The following PHF21A variants were observed in gnomAD, a reference collection of about 807,000 sequenced individuals.
PHF21A encodes the protein BHC80a.
PHF21A carries 11 observed loss-of-function variants against 82.5 expected under a neutral mutation model. That is an observed-to-expected ratio of 0.13 (90% CI 0.08 to 0.22). The LOEUF is 0.22. PHF21A is among the 10% of genes least tolerant of loss of function. The pLI is 1.00. For synonymous variants in PHF21A, 297 were observed against 302.8 expected (o/e 0.98, Z 0.20); for missense variants, 579 against 837.8 (o/e 0.69, Z 3.81).
chr11:46,024,834 CT>C (rs1288421479), intron 6 of PHF21A, among the ~76,000 whole-genome samples: 4 of 152,088 alleles, frequency 2.6e-5, no homozygotes, highest in African/African-American at 7.2e-5. Context: ...GACTTAGGGA[CT>C]TCTTTAAGAA....
intron 3 of PHF21A, among the ~76,000 whole-genome samples, chr11:46,089,566 C>T (rs973107236): frequency 2.0e-5 from 3 of 151,994 alleles, no homozygotes; most frequent in African/African-American, 7.3e-5. Context: ...AAGAGCTTGG[C>T]AACCCTGATT....
At chr11:45,934,928 C>T (rs1309739369) in intron 18 of PHF21A, 1 of 398,740 alleles carries the variant, frequency 2.5e-6, no homozygotes, top group Non-Finnish European at 5.0e-6. Context: ...AGCAGGTAAG[C>T]AGGACAGTTC....
At chr11:46,010,432 G>T (rs2095388242) in intron 6 of PHF21A, among the ~76,000 whole-genome samples, 1 of 152,172 alleles carries the variant, frequency 6.6e-6, no homozygotes. Flanking sequence ...TTAGTAATTT[G>T]TCTAAAATTA....
In PHF21A at chr11:46,001,493, T is replaced by A. The variant is rs138575818; in HGVS notation, c.154-21527A>T. Among the ~76,000 whole-genome samples, 3 of 152,058 alleles carry A rather than the reference T, an allele frequency of 2.0e-5. No homozygotes were observed. The South Asian group carries it at 6.2e-4, about 32-fold the overall frequency. ...CTAACAATAGAAGCTCCAGTTGGTG[T>A]CTCCGTCACATGCACCACAGCATCA... On this transcript the variant is annotated intron_variant, in intron 6 of 18. Transcript: ENST00000676320.
chr11:45,965,418 G>A lies in PHF21A; in HGVS notation c.893C>T (p.Thr298Met). 1.2e-6 allele frequency: 2 copies of A among 1,614,110 alleles called. No homozygotes were observed. Among genetic ancestry groups the A allele is most frequent in the Non-Finnish European group, 1.7e-6 (2 of 1,180,012 alleles). The stretch of plus-strand genomic sequence containing the variant: ...GCTGGTGAGCTGGGCCATGGGGAAC[G>A]TTTTGGCTATGGTTGCAGTCTGCCC... Reference protein sequence around the residue: ...VNGQTATIAKTFPMAQLTSIV... With the variant: ...VNGQTATIAKMFPMAQLTSIV... The change falls in exon 10 of 19, where the codon ACG (threonine) becomes ATG (methionine). Residue 298 changes from threonine (T) to methionine (M), a missense_variant. Physicochemically the swap from Thr to Met is moderately conservative, Grantham distance 81. Around this residue, in one of 3 missense-constraint regions of PHF21A, gnomAD observed 410 missense variants for 642.1 expected, o/e 0.64. Transcript: ENST00000676320.
At chr11:46,083,516 A>G (rs574526488) in intron 4 of PHF21A, 1 of 152,364 alleles carries the variant, frequency 6.6e-6, no homozygotes, top group African/African-American at 2.4e-5. Flanking sequence ...TACAAATTCA[A>G]AAGTAGTCAA....
intron 18 of PHF21A, 35 bp from the exon 19 acceptor site, chr11:45,934,260 G>T: frequency 1.3e-6 from 2 of 1,592,994 alleles, no homozygotes; most frequent in Non-Finnish European, 1.7e-6. Context: ...GCACTGAGCC[G>T]CCTGGTTTCT....
rs946168187 is a variant in PHF21A at position 46,078,680 on chromosome 11, T to C, written c.87+454A>G. Among the ~76,000 whole-genome samples the C allele has an allele frequency of 5.3e-5, 8 of 152,168 alleles. 1 individual carries two copies. In the East Asian group the frequency reaches 7.7e-4, roughly 15 times the overall value. On this transcript the variant is annotated intron_variant, in intron 5 of 18. Transcript: ENST00000676320. Reference sequence around the variant, plus strand: ...TTTCTAAAATGCTTCTTTTAAAAAATACTCTAAAATTCTTACCCTGAACAT... The same window carrying C: ...TTTCTAAAATGCTTCTTTTAAAAAACACTCTAAAATTCTTACCCTGAACAT...
intron 1 of PHF21A, among the ~76,000 whole-genome samples, chr11:46,110,871 C>T (rs1373710871): frequency 3.3e-5 from 5 of 151,640 alleles, no homozygotes; most frequent in African/African-American, 4.8e-5. Context: ...CTGCAACCTC[C>T]GCCTTCTGGG....
intron 10 of PHF21A, among the ~76,000 whole-genome samples, chr11:45,955,283 AACAC>A (rs3061874): frequency 6.1e-4 from 91 of 148,120 alleles, no homozygotes; most frequent in South Asian, 3.9e-3. Flanking sequence ...TTCTCTCTCC[AACAC>A]ACACACACAC....
rs1430116097 is a variant in PHF21A, at chr11:45,934,013, G to C, written c.2001C>G (p.Ser667=). ...ATSTPAPSPS[S]QSCTANCNQG... is the part of the protein sequence containing the mutation. ...GGTTACAGTTCGCTGTGCAGCTCTG[G>C]GAGGAGGGGGAAGGGGCCGGCGTGG... The change falls in exon 19 of 19, where the codon TCC becomes TCG. Residue 667 remains serine (S), a synonymous_variant. Coordinates refer to ENST00000676320, the MANE Select transcript of PHF21A (RefSeq NM_001352027.3). 6.2e-7 allele frequency: 1 copy of C among 1,609,752 alleles called. No homozygotes were observed. The highest frequency in any genetic ancestry group is 8.5e-7 in the Non-Finnish European group (1 of 1,177,818).
intron 6 of PHF21A, among the ~76,000 whole-genome samples, chr11:46,010,115 C>G (rs1013842974): frequency 3.3e-5 from 5 of 152,138 alleles, no homozygotes; most frequent in Non-Finnish European, 7.4e-5. Context: ...TTGAGAGTTA[C>G]TGCAGGAATG....
intron 15 of PHF21A, among the ~76,000 whole-genome samples, chr11:45,938,936 C>T (rs1017286715): frequency 6.6e-6 from 1 of 152,020 alleles, no homozygotes; most frequent in Non-Finnish European, 1.5e-5. Flanking sequence ...CAGGTTCACG[C>T]CATTCTCCTG....
intron 1 of PHF21A, among the ~76,000 whole-genome samples, chr11:46,107,213 T>A (rs1177458786): frequency 6.6e-6 from 1 of 152,230 alleles, no homozygotes; most frequent in Non-Finnish European, 1.5e-5. Context: ...ATCATACATT[T>A]AACTGGTAAC....
At chr11:46,061,306 C>G (rs1002876308) in intron 6 of PHF21A, among the ~76,000 whole-genome samples, 1 of 152,090 alleles carries the variant, frequency 6.6e-6, no homozygotes, top group Non-Finnish European at 1.5e-5. Context: ...TGTTTTGATC[C>G]CATATGAATC....
intron 6 of PHF21A, among the ~76,000 whole-genome samples, chr11:46,038,110 C>T (rs2096053638): frequency 6.6e-6 from 1 of 151,538 alleles, no homozygotes; most frequent in African/African-American, 2.4e-5. Context: ...TTGTATACTC[C>T]TATTTCTCTC....
At chr11:45,975,322 C>T (rs371802787) in intron 7 of PHF21A, among the ~76,000 whole-genome samples, 4 of 112,092 alleles carry the variant, frequency 3.6e-5, no homozygotes, top group Non-Finnish European at 8.2e-5. Flanking sequence ...TCAAAGAAAA[C>T]AAAATAAAAT....
At chr11:45,934,934 A>G in intron 18 of PHF21A, 1 of 406,028 alleles carries the variant, frequency 2.5e-6, no homozygotes, top group Non-Finnish European at 4.9e-6. Flanking sequence ...TAAGCAGGAC[A>G]GTTCAACTGC....
At chr11:46,118,787 A>G (rs796635442) in intron 1 of PHF21A, 7 of 152,358 alleles carry the variant, frequency 4.6e-5, no homozygotes, top group African/African-American at 1.7e-4. Flanking sequence ...ATGTAGTAAC[A>G]GTTTCCAACA....
Sources: gnomAD v4.1 joint callset for allele counts (sites outside exome capture counted in the v4.1 genomes callset) on GRCh38, gnomAD v4.1.1 for gene constraint, gnomAD v4.1.1 regional missense constraint, MANE v1.5 for transcripts, NCBI Gene and HGNC (gene_info 2026-07-23, HGNC 2026-07-21) for gene names.